Variants in CNTLN observed in about 807,000 individuals in gnomAD.
CNTLN encodes the protein centlein, also known as centlein, centrosomal protein.
CNTLN carries 212 observed loss-of-function variants against 180.0 expected under a neutral mutation model. That is an observed-to-expected ratio of 1.18 (90% CI 1.05 to 1.32). The LOEUF (loss-of-function observed/expected upper bound fraction) is 1.32. Ranked by LOEUF, CNTLN falls within the 40% of genes most tolerant of loss-of-function variation. The pLI, the probability that CNTLN is intolerant of heterozygous loss-of-function variation, is 0.00. For synonymous variants in CNTLN, 722 were observed against 563.1 expected, an observed-to-expected ratio of 1.28 and a Z score of -3.99; for missense variants, 2,095 against 1,610.9, an observed-to-expected ratio of 1.30 and a Z score of -5.14.
chr9:17,266,494 C>T (rs1249444475), intron 5 of CNTLN, among the ~76,000 whole-genome samples: 5 of 152,084 alleles, frequency 3.3e-5, no homozygotes, highest in African/African-American at 4.8e-5. Context: ...TGGTGTGCTG[C>T]TGAATAAAAT....
Position 17,179,261 on chromosome 9 carries a change from A to AAAAAAAAG in CNTLN, c.449+35887_449+35888insAAAAAGAA, listed in dbSNP as rs762439606. Reference sequence around the variant, plus strand: ...TCCGTCTCAAAAAAAAAAAAAAAAAAAAGAAGAAGTGTAGATTATTGATTT... The same window carrying AAAAAAAAG: ...TCCGTCTCAAAAAAAAAAAAAAAAAAAAAAAAAGAAGAAGAAGTGTAGATTATTGATTT... On this transcript the variant is annotated intron_variant, in intron 2 of 25. Transcript: ENST00000380647. Among the ~76,000 whole-genome samples, 421 of 138,584 alleles carry AAAAAAAAG rather than the reference A, an allele frequency of 3.0e-3. 10 individuals carry two copies. The highest frequency in any genetic ancestry group is 0.012 in the African/African-American group (407 of 32,860). The allele number at this position is 138,584 out of a possible 152,430, so 90.9% of individuals were successfully genotyped here. A position where few individuals can be genotyped will look rare whatever the true frequency, so the allele number is the denominator to read the frequency against.
chr9:17,372,786 G>A (rs1824437216), intron 13 of CNTLN, among the ~76,000 whole-genome samples: 1 of 152,126 alleles, frequency 6.6e-6, no homozygotes, highest in Non-Finnish European at 1.5e-5. Flanking sequence ...ATCATGACCA[G>A]GTGGGATTTA....
intron 2 of CNTLN, among the ~76,000 whole-genome samples, chr9:17,146,136 C>T (rs949307019): frequency 1.3e-5 from 2 of 152,142 alleles, no homozygotes; most frequent in Admixed American, 1.3e-4. Flanking sequence ...GAAAATTTAT[C>T]CTTCTTAGCC....
chr9:17,298,071 T>C, intron 6 of CNTLN, 119 bp from the exon 7 acceptor site: 2 of 689,512 alleles, frequency 2.9e-6, no homozygotes, highest in Non-Finnish European at 4.4e-6. Context: ...TAAGTTTGCC[T>C]GCAGTACAAA....
chr9:17,185,691 T>G (rs182887363), intron 2 of CNTLN, among the ~76,000 whole-genome samples: 1 of 152,114 alleles, frequency 6.6e-6, no homozygotes, highest in Non-Finnish European at 1.5e-5. Context: ...CATGGAAAGA[T>G]CTTTCCTATC....
chr9:17,181,454 C>T (rs977224331), intron 2 of CNTLN, among the ~76,000 whole-genome samples: 2 of 152,182 alleles, frequency 1.3e-5, no homozygotes, highest in Non-Finnish European at 2.9e-5. Context: ...CATAACTGCT[C>T]ATTGAAGCAT....
chr9:17,182,855 GAA>G (rs1333918208), intron 2 of CNTLN, among the ~76,000 whole-genome samples: 4 of 152,212 alleles, frequency 2.6e-5, no homozygotes, highest in African/African-American at 9.6e-5. Flanking sequence ...TACTTGCCAT[GAA>G]GCTGTATTCA....
intron 18 of CNTLN, among the ~76,000 whole-genome samples, chr9:17,419,401 A>G (rs1352210318): frequency 1.3e-5 from 2 of 152,168 alleles, no homozygotes; most frequent in East Asian, 3.8e-4. Flanking sequence ...CAAAGTATGT[A>G]TCCGTTGCCA....
intron 18 of CNTLN, among the ~76,000 whole-genome samples, chr9:17,435,385 G>A (rs2593414): frequency 0.47 from 71,809 of 151,886 alleles, 17,992 homozygotes; most frequent in Non-Finnish European, 0.55. Flanking sequence ...TTGCATTACA[G>A]TGGTATAACT....
chr9:17,443,527 A>G (rs1413798611), intron 18 of CNTLN, among the ~76,000 whole-genome samples: 2 of 152,168 alleles, frequency 1.3e-5, no homozygotes, highest in African/African-American at 2.4e-5. Context: ...TTCTAAAAGT[A>G]TAAAGAAAGG....
chr9:17,439,344 G>A (rs1829973639), intron 18 of CNTLN, among the ~76,000 whole-genome samples: 1 of 151,988 alleles, frequency 6.6e-6, no homozygotes, highest in African/African-American at 2.4e-5. Flanking sequence ...AATTTCAAAG[G>A]ATTTGTATCA....
chr9:17,506,010 A>G (rs940214281), downstream of CNTLN, among the ~76,000 whole-genome samples: 3 of 152,080 alleles, frequency 2.0e-5, no homozygotes, highest in South Asian at 2.1e-4. Flanking sequence ...ACAAAGGTTC[A>G]AAAGCAATTC....
chr9:17,271,408 T>C (rs955190306), intron 5 of CNTLN, among the ~76,000 whole-genome samples: 1 of 152,102 alleles, frequency 6.6e-6, no homozygotes, highest in Non-Finnish European at 1.5e-5. Flanking sequence ...CCTCCTTCGT[T>C]TTCTTTCTTT....
At chr9:17,349,022 AGGT>A (rs1241691901) in intron 12 of CNTLN, among the ~76,000 whole-genome samples, 1 of 152,002 alleles carries the variant, frequency 6.6e-6, no homozygotes, top group Non-Finnish European at 1.5e-5. Context: ...TGGCACTTCT[AGGT>A]GGTGAGTTTC....
At chr9:17,372,741 C>G (rs1243911226) in intron 13 of CNTLN, among the ~76,000 whole-genome samples, 1 of 152,118 alleles carries the variant, frequency 6.6e-6, no homozygotes, top group Non-Finnish European at 1.5e-5. Flanking sequence ...AAGATACTAG[C>G]AAGCTGAATT....
chr9:17,453,110 G>A (rs918577671), intron 18 of CNTLN, among the ~76,000 whole-genome samples: 4 of 152,178 alleles, frequency 2.6e-5, no homozygotes, highest in East Asian at 3.9e-4. Flanking sequence ...CCAGGAGTTC[G>A]AGACCAGGCT....
At chr9:17,494,967 C>A (rs905477305) in intron 25 of CNTLN, 1 of 449,802 alleles carries the variant, frequency 2.2e-6, no homozygotes, top group East Asian at 7.2e-5. Context: ...CCAAAACCTC[C>A]GCCTGCCAGA....
At chr9:17,171,962 G>T (rs1820449043) in intron 2 of CNTLN, among the ~76,000 whole-genome samples, 1 of 152,180 alleles carries the variant, frequency 6.6e-6, no homozygotes, top group Admixed American at 6.5e-5. Flanking sequence ...GTGGCTTTAA[G>T]ATCTGGGCAC....
intron 15 of CNTLN, among the ~76,000 whole-genome samples, chr9:17,403,323 TA>T (rs1827129347): frequency 6.6e-6 from 1 of 151,874 alleles, no homozygotes; most frequent in African/African-American, 2.4e-5. Context: ...GTCCTGCCAC[TA>T]ATCTTCCAAT....
Sources: gnomAD v4.1 joint callset for allele counts (sites outside exome capture counted in the v4.1 genomes callset) on GRCh38, gnomAD v4.1.1 for gene constraint, MANE v1.5 for transcripts, NCBI Gene and HGNC (gene_info 2026-07-23, HGNC 2026-07-21) for gene names.